Variants in MITF observed in about 807,000 individuals in gnomAD.
MITF encodes the protein microphthalmia-associated transcription factor.
MITF carries 17 observed loss-of-function variants against 60.5 expected under a neutral mutation model. That is an observed-to-expected ratio of 0.28 (90% CI 0.19 to 0.42). The LOEUF (loss-of-function observed/expected upper bound fraction) is 0.42, where lower values mean the gene tolerates loss of function less well. Among genes scored for constraint, MITF ranks in the 10% least tolerant of loss-of-function variants. The probability of loss-of-function intolerance (pLI) is 1.00; values close to 1 mark genes in which losing one functional copy is unlikely to be tolerated. For synonymous variants in MITF, 260 were observed against 248.5 expected (o/e 1.05, Z -0.43); for missense variants, 622 against 683.5 (o/e 0.91, Z 1.00).
intron 2 of MITF, among the ~76,000 whole-genome samples, chr3:69,917,939 A>G (rs1453030801): frequency 3.3e-5 from 5 of 152,228 alleles, no homozygotes; most frequent in Non-Finnish European, 7.3e-5. Flanking sequence ...TGATCAATAG[A>G]AAGACAAATA....
chr3:69,741,329 G>A (rs1703521167), intron 1 of MITF, among the ~76,000 whole-genome samples: 2 of 152,118 alleles, frequency 1.3e-5, no homozygotes, highest in Admixed American at 1.3e-4. Flanking sequence ...ATGCTTACAC[G>A]GCCAGAATGA....
At chr3:69,789,064 C>T (rs1316643940) in intron 1 of MITF, among the ~76,000 whole-genome samples, 2 of 151,804 alleles carry the variant, frequency 1.3e-5, no homozygotes, top group Non-Finnish European at 2.9e-5. Flanking sequence ...ACACCAAAAG[C>T]ACAGGCAACA....
At chr3:69,827,082 A>G (rs769135140) in intron 1 of MITF, among the ~76,000 whole-genome samples, 10 of 152,128 alleles carry the variant, frequency 6.6e-5, no homozygotes, top group Non-Finnish European at 1.3e-4. Context: ...TTCTCATGCC[A>G]TCCTCTGAAT....
At chr3:69,948,054 G>T (rs1166877089) in intron 5 of MITF, among the ~76,000 whole-genome samples, 2 of 152,100 alleles carry the variant, frequency 1.3e-5, no homozygotes, top group African/African-American at 4.8e-5. Context: ...ACAATTCCAT[G>T]TGTAATCAAG....
chr3:69,825,309 C>A (rs1333871617), intron 1 of MITF, among the ~76,000 whole-genome samples: 3 of 152,110 alleles, frequency 2.0e-5, no homozygotes, highest in African/African-American at 7.2e-5. Context: ...TCCCTGCACT[C>A]TTCTGGTTGA....
intron 1 of MITF, among the ~76,000 whole-genome samples, chr3:69,777,179 A>T (rs78329871): frequency 6.6e-6 from 1 of 151,812 alleles, no homozygotes; most frequent in South Asian, 2.1e-4. Context: ...TTTCCAAAAT[A>T]AAAAAAAATT....
In MITF at chr3:69,813,668, A is replaced by C. The variant is rs1470673359; in HGVS notation, c.105-65466A>C. 2.6e-5 allele frequency among the ~76,000 whole-genome samples: 4 copies of C among 152,236 alleles called. No homozygotes were observed. In the East Asian group the frequency reaches 7.7e-4, roughly 29 times the overall value. ...AAGGTGTAAAGTTCATTTTCAGTGA[A>C]GTATGAATGGAGTATACAATACCGT... On this transcript the variant is annotated intron_variant, in intron 1 of 9. Transcript: ENST00000352241.
intron 2 of MITF, among the ~76,000 whole-genome samples, chr3:69,879,862 C>G (rs1396232671): frequency 1.3e-5 from 2 of 152,142 alleles, no homozygotes; most frequent in Admixed American, 1.3e-4. Flanking sequence ...CTTTGATAAC[C>G]AGACTACATA....
chr3:69,852,656 A>G (rs2063844703), intron 1 of MITF, among the ~76,000 whole-genome samples: 1 of 152,140 alleles, frequency 6.6e-6, no homozygotes, highest in Non-Finnish European at 1.5e-5. Flanking sequence ...ACACATATAA[A>G]TTTATCTGGT....
intron 1 of MITF, among the ~76,000 whole-genome samples, chr3:69,777,128 A>G (rs1320781447): frequency 1.3e-5 from 2 of 152,338 alleles, no homozygotes; most frequent in Non-Finnish European, 1.5e-5. Context: ...ACAGTTTTAT[A>G]TTCATGGAAA....
intron 2 of MITF, among the ~76,000 whole-genome samples, chr3:69,897,826 A>T (rs2064909774): frequency 6.6e-6 from 1 of 152,220 alleles, no homozygotes; most frequent in Non-Finnish European, 1.5e-5. Context: ...GAATTAACCT[A>T]CAAATGAATG....
chr3:69,755,173 A>G (rs1260763828), intron 1 of MITF, among the ~76,000 whole-genome samples: 1 of 152,232 alleles, frequency 6.6e-6, no homozygotes, highest in Non-Finnish European at 1.5e-5. Flanking sequence ...TCATAATTAT[A>G]GACTATAGCT....
chr3:69,936,723 A>T (rs760273611), intron 2 of MITF: 1 of 1,613,722 alleles, frequency 6.2e-7, no homozygotes, highest in Non-Finnish European at 8.5e-7. Flanking sequence ...AAACATTGTT[A>T]TGCTGGAAAT....
chr3:69,825,581 G>A (rs559828875), intron 1 of MITF, among the ~76,000 whole-genome samples: 128 of 152,254 alleles, frequency 8.4e-4, no homozygotes, highest in African/African-American at 2.1e-3. Context: ...CATGTCAAGC[G>A]TTGTTTCCTT....
At chr3:69,821,521 G>T (rs1412704502) in intron 1 of MITF, among the ~76,000 whole-genome samples, 1 of 151,982 alleles carries the variant, frequency 6.6e-6, no homozygotes, top group Non-Finnish European at 1.5e-5. Context: ...CTCTGTTGCA[G>T]CATTGCAACT....
intron 1 of MITF, among the ~76,000 whole-genome samples, chr3:69,745,216 G>A (rs900019769): frequency 6.6e-6 from 1 of 152,102 alleles, no homozygotes; most frequent in African/African-American, 2.4e-5. Context: ...CTACAGAGAG[G>A]GAAACTCAGG....
At chr3:69,858,047 C>T (rs1013599901) in intron 1 of MITF, among the ~76,000 whole-genome samples, 1 of 151,840 alleles carries the variant, frequency 6.6e-6, no homozygotes. Context: ...TTTTTTTAGG[C>T]ATTATTTTTT....
At chr3:69,771,908 T>C (rs2062400225) in intron 1 of MITF, among the ~76,000 whole-genome samples, 1 of 152,196 alleles carries the variant, frequency 6.6e-6, no homozygotes, top group Non-Finnish European at 1.5e-5. Flanking sequence ...AATGGAAAAC[T>C]TTTCTACTTT....
chr3:69,918,795 T>C (rs2065396014), intron 2 of MITF, among the ~76,000 whole-genome samples: 1 of 152,212 alleles, frequency 6.6e-6, no homozygotes, highest in Admixed American at 6.5e-5. Flanking sequence ...AAGTTAACCT[T>C]CCTCTCTTAT....
Sources: allele counts gnomAD v4.1 joint callset (sites outside exome capture counted in the v4.1 genomes callset), GRCh38; gene constraint gnomAD v4.1.1; transcripts MANE v1.5; gene names NCBI Gene and HGNC (gene_info 2026-07-23, HGNC 2026-07-21).